PTPRH: variants seen among roughly 807,000 people sequenced by gnomAD.
PTPRH encodes the protein protein tyrosine phosphatase receptor type H, also known as receptor-type tyrosine-protein phosphatase H.
A neutral mutation model predicts 130.2 loss-of-function variants in PTPRH; 113 were observed. The observed-to-expected ratio is 0.87, with a 90% CI of 0.75 to 1.01. PTPRH has a LOEUF of 1.01. Among genes scored for constraint, PTPRH ranks in the 50% least tolerant of loss-of-function variants. PTPRH has a pLI of 0.00. For missense variants in PTPRH, 1,430 were observed against 1,425.0 expected (o/e 1.00, Z -0.06); for synonymous variants, 556 against 577.9 (o/e 0.96, Z 0.54).
At position 55,205,469 on chromosome 19, in the gene PTPRH, T is replaced by C. The variant is rs765660421; in HGVS notation, c.476A>G (p.Asp159Gly). 6.2e-7 allele frequency: 1 copy of C among 1,614,142 alleles called. No individual in the cohort carries two copies. The highest frequency in any genetic ancestry group is 2.2e-5 in the East Asian group (1 of 44,874). ...NSTYGVEYTG[D>G]GGRAGTRSTA... is the part of the protein sequence containing the mutation. The stretch of plus-strand genomic sequence containing the variant: ...GCTTCGAGTCCCTGCTCTGCCACCA[T>C]CTCCAGTGTACTCAACCCCGTAGGT... The change falls in exon 4 of 20, where the codon GAT (aspartate) becomes GGT (glycine). Residue 159 changes from aspartate to glycine, a missense_variant. Transcript: ENST00000376350.
Position 55,186,257 on chromosome 19 carries a change from C to A in PTPRH, c.2746G>T (p.Val916Phe). The change falls in exon 16 of 20, where the codon GTC (valine) becomes TTC (phenylalanine). Residue 916 changes from valine (V) to phenylalanine (F), a missense_variant. By Grantham distance (50) the Val-to-Phe change is conservative. Transcript: ENST00000376350. ...GCCTCCATGCAGTTGGTCAGCATGA[C>A]CAGGGTGTGGCTCTGCTGTTCCCAC... ...LVWEQQSHTL[V>F]MLTNCMEAGR... 1.9e-6 allele frequency: 3 copies of A among 1,613,202 alleles called. No individual in the cohort carries two copies. Among genetic ancestry groups the A allele is most frequent in the Non-Finnish European group, 1.7e-6 (2 of 1,179,348 alleles).
At position 55,186,001 on chromosome 19, in the gene PTPRH, G is replaced by T; in HGVS notation, c.2779-17C>A. On this transcript the variant is annotated splice_polypyrimidine_tract_variant and intron_variant, in intron 16 of 19. Coordinates refer to ENST00000376350, the MANE Select transcript of PTPRH (RefSeq NM_002842.5). ...ACACTTCACCTGGGGGAGGAGGAGG[G>T]GTCAGAGAACACAACTCCTCTTACC... The T allele has an allele frequency of 6.2e-7, 1 of 1,613,776 alleles. No individual in the cohort carries two copies. Among genetic ancestry groups the T allele is most frequent in the Non-Finnish European group, 8.5e-7 (1 of 1,179,864 alleles).
In PTPRH at chr19:55,205,335, C is replaced by G. The variant is rs1324569490; in HGVS notation, c.610G>C (p.Ala204Pro). 1.2e-6 allele frequency: 2 copies of G among 1,614,096 alleles called. No individual in the cohort carries two copies. The highest frequency in any genetic ancestry group is 2.2e-5 in the South Asian group (2 of 91,092). Residue 204 changes from alanine to proline, a missense_variant, in exon 4 of 20, where the codon GCC (alanine) becomes CCC (proline). By Grantham distance (27) the Ala-to-Pro change is conservative. Transcript: ENST00000376350. ...GINSSRETRNATTAHNPVRNL... is the reference protein window; with the variant it reads ...GINSSRETRNPTTAHNPVRNL... ...GGCGACTGCCTCTCACCTGTGGTGG[C>G]ATTTCGAGTCTCCCGGGAGCTGTTG...
intron 7 of PTPRH, among the ~76,000 whole-genome samples, chr19:55,199,937 AAAGG>A (rs1769837415): frequency 6.6e-6 from 1 of 151,574 alleles, no homozygotes; most frequent in Non-Finnish European, 1.5e-5. Context: ...AGAAAGCGAG[AAAGG>A]AAGGAAGAAA....
In PTPRH at chr19:55,186,459, C is replaced by A; in HGVS notation, c.2643+5G>T. 6.2e-7 allele frequency: 1 copy of A among 1,611,210 alleles called. No individual in the cohort carries two copies. The highest frequency in any genetic ancestry group is 1.1e-5 in the South Asian group (1 of 90,912). ...GCACCCTTTCAATCCCAACCACGAC[C>A]TTACGGGCATGAAGCTGGCATTGAT... On this transcript the variant is annotated splice_donor_5th_base_variant and intron_variant, in intron 15 of 19. Coordinates refer to ENST00000376350, the MANE Select transcript of PTPRH (RefSeq NM_002842.5).
chr19:55,187,340 G>A (rs1320793655), intron 14 of PTPRH, among the ~76,000 whole-genome samples, 173 bp downstream of exon 14: 13 of 74,568 alleles, frequency 1.7e-4, no homozygotes, highest in African/African-American at 3.3e-4. Flanking sequence ...GCGAGACTCC[G>A]TCTCAAAAAA....
intron 5 of PTPRH, among the ~76,000 whole-genome samples, chr19:55,203,056 C>T (rs1352252787): frequency 4.7e-5 from 7 of 150,380 alleles, no homozygotes; most frequent in African/African-American, 9.8e-5. Flanking sequence ...GGGCTGGGCA[C>T]GGTGGCTCAC....
At chr19:55,202,546 C>T (rs542700337) in intron 5 of PTPRH, among the ~76,000 whole-genome samples, 3 of 151,910 alleles carry the variant, frequency 2.0e-5, no homozygotes, top group East Asian at 3.9e-4. Context: ...TCGAAGAGTT[C>T]GTATGAAATT....
rs1314430514 is a variant in PTPRH, at chr19:55,207,193, A to G, written c.58T>C (p.Cys20Arg). 1 of 1,613,386 alleles carries G rather than the reference A, an allele frequency of 6.2e-7. No individual in the cohort carries two copies. Among genetic ancestry groups the G allele is most frequent in the Non-Finnish European group, 8.5e-7 (1 of 1,179,778 alleles). ...VWGNLVLLGL[C>R]SWTGARAPAP... ...GGCGCCCTGGCCCCTGTCCAGCTGC[A>G]CAGGCCCTGGAGGGAACCCAGAGAA... The change falls in exon 2 of 20, where the codon TGC (cysteine) becomes CGC (arginine). Residue 20 changes from cysteine to arginine, a missense_variant. Coordinates refer to ENST00000376350, the MANE Select transcript of PTPRH (RefSeq NM_002842.5).
rs768674858 is a variant in PTPRH, at chr19:55,198,904, C to A, written c.1429G>T (p.Ala477Ser). The A allele has an allele frequency of 2.6e-6, 4 of 1,513,484 alleles. No individual in the cohort carries two copies. In the Admixed American group the frequency reaches 6.3e-5, roughly 24 times the overall value. 93.8% of individuals were successfully genotyped at this position (1,513,484 alleles called of 1,614,324 possible). The change falls in exon 8 of 20, where the codon GCA becomes TCA. Residue 477 changes from alanine (A) to serine (S), a missense_variant. Transcript: ENST00000376350. ...QNVSISTVPN[A>S]VTSLSKQDWT... ...TCCTGCTTGCTGAGGCTTGTCACTGCGTTGGGGACTGGGAGAGGGAGCAGA... is the reference window on the plus strand; with the variant it reads ...TCCTGCTTGCTGAGGCTTGTCACTGAGTTGGGGACTGGGAGAGGGAGCAGA...
In PTPRH at chr19:55,206,881, C is replaced by G. The variant is rs373696276; in HGVS notation, c.160G>C (p.Asp54His). Residue 54 changes from aspartate (D) to histidine (H), a missense_variant, in exon 3 of 20, where the codon GAT becomes CAT. Asp to His is a moderately conservative substitution (Grantham distance 81). Transcript: ENST00000376350. ...SSISLSWEVP[D>H]GLDSQNSNYW... is the part of the protein sequence containing the mutation. ...TTGGAGTTCTGTGAGTCTAGGCCAT[C>G]GGGGACCTCCCAGCTCAGGGAGATG... 2.0e-5 allele frequency: 32 copies of G among 1,613,752 alleles called. No homozygotes were observed. In the African/African-American group the frequency reaches 3.5e-4, roughly 17 times the overall value.
chr19:55,200,410 C>T lies in PTPRH; in HGVS notation c.1246G>A (p.Asp416Asn), dbSNP rs2086822414. ...WEVPDGPYPQ[D>N]YTYWVEYTGD... ...GTGTACTCTACCCAGTAGGTGTAGT[C>T]CTGAGGGTATGGGCCATCGGGGACT... The change falls in exon 7 of 20, where the codon GAC becomes AAC. Residue 416 changes from aspartate (D) to asparagine (N), a missense_variant. Physicochemically the swap from Asp to Asn is conservative, Grantham distance 23 (BLOSUM62 1). Transcript: ENST00000376350. 6.2e-7 allele frequency: 1 copy of T among 1,614,030 alleles called. No individual in the cohort carries two copies. Among genetic ancestry groups the T allele is most frequent in the African/African-American group, 1.3e-5 (1 of 74,912 alleles).
rs745413673 is a variant in PTPRH at position 55,186,290 on chromosome 19, G to A, written c.2713C>T (p.Arg905Cys). Residue 905 changes from arginine (R) to cysteine (C), a missense_variant, in exon 16 of 20, where the codon CGC (arginine) becomes TGC (cysteine). Coordinates refer to ENST00000376350, the MANE Select transcript of PTPRH (RefSeq NM_002842.5). ...PLPQTVGDFW[R>C]LVWEQQSHTL... ...TGGCTCTGCTGTTCCCACACCAGGC[G>A]CCAGAAGTCACCCACTGTCTGTGGC... 1.3e-5 allele frequency: 21 copies of A among 1,613,912 alleles called. No homozygotes were observed. Among genetic ancestry groups the A allele is most frequent in the Admixed American group, 3.3e-5 (2 of 59,986 alleles).
rs137912212 is a variant in PTPRH at position 55,196,712 on chromosome 19, G to C, written c.2067C>G (p.Pro689=). ...ACTCAAAGGCCTCGTAGCCTCCCTG[G>C]GGGCAGGACCAGATCAAGTTGACTC... ...GYGVNLIWSC[P]QGGYEAFELE... is the part of the protein sequence containing the mutation. Residue 689 remains proline, a synonymous_variant, in exon 10 of 20, where the codon CCC becomes CCG. Coordinates refer to ENST00000376350, the MANE Select transcript of PTPRH (RefSeq NM_002842.5). 1.9e-4 allele frequency: 299 copies of C among 1,613,944 alleles called. No homozygotes were observed. Among genetic ancestry groups the C allele is most frequent in the Non-Finnish European group, 2.4e-4 (288 of 1,180,022 alleles).
In PTPRH at chr19:55,200,269, G is replaced by A. The variant is rs753682217; in HGVS notation, c.1387C>T (p.Arg463Cys). ...FSVWAEKNGA[R>C]GSRQNVSIST... ...ATGCTGACATTCTGCCTGGAGCCACGTGCTCCATTTTTTTCTGCCCATACA... is the reference window on the plus strand; with the variant it reads ...ATGCTGACATTCTGCCTGGAGCCACATGCTCCATTTTTTTCTGCCCATACA... The change falls in exon 7 of 20, where the codon CGT (arginine) becomes TGT (cysteine). Residue 463 changes from arginine (R) to cysteine (C), a missense_variant. Physicochemically the swap from Arg to Cys is radical, Grantham distance 180. Coordinates refer to ENST00000376350, the MANE Select transcript of PTPRH (RefSeq NM_002842.5). 10 of 1,614,188 alleles carry A rather than the reference G, an allele frequency of 6.2e-6. No individual in the cohort carries two copies. The highest frequency in any genetic ancestry group is 4.5e-5 in the East Asian group (2 of 44,884).
chr19:55,198,465 G>A (rs903703701), intron 8 of PTPRH, among the ~76,000 whole-genome samples, 178 bp downstream of exon 8: 1 of 152,152 alleles, frequency 6.6e-6, no homozygotes, highest in African/African-American at 2.4e-5. Context: ...AGCTTGGAAA[G>A]CCCTGTCTGC....
chr19:55,182,377 A>T (rs1458789758), intron 18 of PTPRH, among the ~76,000 whole-genome samples: 1 of 152,184 alleles, frequency 6.6e-6, no homozygotes, highest in East Asian at 1.9e-4. Context: ...TGCAAAAATT[A>T]GCCGGGTATG....
At chr19:55,194,563 G>A in intron 10 of PTPRH, among the ~76,000 whole-genome samples, 1 of 152,204 alleles carries the variant, frequency 6.6e-6, no homozygotes, top group East Asian at 1.9e-4. Context: ...TTCCTAGGAA[G>A]TGATTGATGG....
At chr19:55,191,390 G>T in intron 12 of PTPRH, 111 bp downstream of exon 12, 10 of 1,302,370 alleles carry the variant, frequency 7.7e-6, no homozygotes, top group Non-Finnish European at 9.9e-6. Context: ...CCCCTTCTGA[G>T]ACCTTTGTGG....
Sources: gnomAD v4.1 joint callset for allele counts (sites outside exome capture counted in the v4.1 genomes callset) on GRCh38, gnomAD v4.1.1 for gene constraint, MANE v1.5 for transcripts, NCBI Gene and HGNC (gene_info 2026-07-23, HGNC 2026-07-21) for gene names.